The following FRMD6 variants were observed in gnomAD, a reference collection of about 807,000 sequenced individuals.
FRMD6 encodes FERM domain containing 6, also known as FERM domain-containing protein 6.
A neutral mutation model predicts 73.2 loss-of-function variants in FRMD6; 37 were observed. The observed-to-expected ratio is 0.51, with a 90% CI of 0.39 to 0.66. The LOEUF (loss-of-function observed/expected upper bound fraction) is 0.66. Ranked by LOEUF, FRMD6 falls within the 30% of genes least tolerant of loss-of-function variation. The pLI is 0.00. For missense variants in FRMD6, 714 were observed against 780.5 expected (o/e 0.91, Z 1.02); for synonymous variants, 273 against 282.2 (o/e 0.97, Z 0.33).
At chr14:51,413,323 C>T in the FRMD6 span, among the ~76,000 whole-genome samples, 16 of 152,284 alleles carry the variant, frequency 1.1e-4, no homozygotes, top group South Asian at 4.1e-4. Flanking sequence ...CCCAAACCCA[C>T]GGCAGGCCCA....
chr14:51,440,276 T>G, the FRMD6 span, among the ~76,000 whole-genome samples: 2 of 152,166 alleles, frequency 1.3e-5, no homozygotes, highest in African/African-American at 4.8e-5. Flanking sequence ...ACAGAGAAAT[T>G]TATAATTCAT....
chr14:51,464,756 G>A, the FRMD6 span, among the ~76,000 whole-genome samples: 1 of 152,170 alleles, frequency 6.6e-6, no homozygotes, highest in Non-Finnish European at 1.5e-5. Flanking sequence ...TCTGTAAACA[G>A]GAAGGAAGAG....
At chr14:51,654,700 T>C (rs1892699921) in intron 1 of FRMD6, among the ~76,000 whole-genome samples, 1 of 152,166 alleles carries the variant, frequency 6.6e-6, no homozygotes, top group Non-Finnish European at 1.5e-5. Flanking sequence ...TAGATTTGGA[T>C]GATCTCAACA....
chr14:51,503,161 C>T lies in FRMD6; in HGVS notation c.-210+13741C>T, dbSNP rs1297148581. On this transcript the variant is annotated intron_variant, in intron 1 of 14. Transcript: ENST00000356218. The stretch of plus-strand genomic sequence containing the variant: ...CTGCAAACAAAGATAATTTGGCTTC[C>T]TCTCTTCCTATTTGAATACTCTTTG... 3.3e-5 allele frequency among the ~76,000 whole-genome samples: 5 copies of T among 152,196 alleles called. No individual in the cohort carries two copies. The East Asian group carries it at 9.6e-4, about 29-fold the overall frequency.
chr14:51,706,316 A>C (rs952250356), intron 6 of FRMD6, among the ~76,000 whole-genome samples: 14 of 152,018 alleles, frequency 9.2e-5, no homozygotes, highest in Non-Finnish European at 1.3e-4. Flanking sequence ...TCTCAGCAGC[A>C]CTGTTGCAGA....
At chr14:51,412,275 T>C in the FRMD6 span, among the ~76,000 whole-genome samples, 189 of 152,338 alleles carry the variant, frequency 1.2e-3, no homozygotes, top group African/African-American at 4.1e-3. Flanking sequence ...TGTCTCTTGG[T>C]GAAAGTATAG....
upstream of FRMD6, among the ~76,000 whole-genome samples, chr14:51,487,603 G>A (rs1399863915): frequency 6.6e-6 from 1 of 152,170 alleles, no homozygotes; most frequent in East Asian, 1.9e-4. Context: ...AAGGTCAAAT[G>A]GTGGGGAGTT....
intron 4 of FRMD6, among the ~76,000 whole-genome samples, chr14:51,702,154 A>G (rs951084535): frequency 6.6e-6 from 1 of 152,062 alleles, no homozygotes; most frequent in African/African-American, 2.4e-5. Context: ...GAACATTTGT[A>G]ATAAGGAGCA....
chr14:51,487,160 A>G (rs765025276), upstream of FRMD6, among the ~76,000 whole-genome samples: 1 of 152,158 alleles, frequency 6.6e-6, no homozygotes, highest in Non-Finnish European at 1.5e-5. Flanking sequence ...ACAGTGTCCC[A>G]GTATTGTTTG....
At chr14:51,438,013 A>G in the FRMD6 span, among the ~76,000 whole-genome samples, 3 of 152,132 alleles carry the variant, frequency 2.0e-5, no homozygotes, top group African/African-American at 7.2e-5. Flanking sequence ...GTGAATATGC[A>G]CAGTTAGCAT....
chr14:51,456,948 C>T, the FRMD6 span, among the ~76,000 whole-genome samples: 4 of 152,144 alleles, frequency 2.6e-5, no homozygotes, highest in African/African-American at 9.6e-5. Flanking sequence ...AAAAGTTGAT[C>T]TCATACAAGT....
intron 1 of FRMD6, among the ~76,000 whole-genome samples, chr14:51,535,473 A>C (rs1256455964): frequency 6.6e-6 from 1 of 152,194 alleles, no homozygotes; most frequent in African/African-American, 2.4e-5. Context: ...TGGACATGGA[A>C]TATGTATAGT....
intron 1 of FRMD6, among the ~76,000 whole-genome samples, chr14:51,512,024 A>G (rs1251301437): frequency 1.3e-5 from 2 of 152,200 alleles, no homozygotes; most frequent in Non-Finnish European, 2.9e-5. Context: ...GTATGTATGC[A>G]TAGGAATCAT....
intron 1 of FRMD6, among the ~76,000 whole-genome samples, chr14:51,661,353 G>A (rs373965320): frequency 8.5e-5 from 13 of 152,166 alleles, no homozygotes; most frequent in African/African-American, 2.9e-4. Flanking sequence ...AATTATGCAC[G>A]TTTTTCCAAC....
chr14:51,550,589 C>CA (rs1008653978), intron 1 of FRMD6, among the ~76,000 whole-genome samples: 2 of 149,850 alleles, frequency 1.3e-5, no homozygotes, highest in Non-Finnish European at 3.0e-5. Context: ...GACCCCCCCG[C>CA]CATGCTTATA....
chr14:51,401,401 T>G, the FRMD6 span, among the ~76,000 whole-genome samples: 1 of 152,230 alleles, frequency 6.6e-6, no homozygotes, highest in East Asian at 1.9e-4. Flanking sequence ...TGTGTACAGT[T>G]CTGCTTTGGG....
At chr14:51,499,409 T>C (rs1337891096) in intron 1 of FRMD6, among the ~76,000 whole-genome samples, 2 of 152,248 alleles carry the variant, frequency 1.3e-5, no homozygotes, top group Non-Finnish European at 2.9e-5. Context: ...TAAAGGAAAT[T>C]GGCTAACACT....
In FRMD6 at chr14:51,684,146, T is replaced by C. The variant is rs115153576; in HGVS notation, c.-146-5545T>C. On this transcript the variant is annotated intron_variant, in intron 1 of 13. Coordinates refer to ENST00000344768, the MANE Select transcript of FRMD6 (RefSeq NM_001267046.2). ...CTAAATGTTTTGTTTTGTTTTTAAA[T>C]AAATAAATGACCCTTAAAAAAAAAA... is the stretch of plus-strand genomic sequence containing the variant. 2.9e-3 allele frequency among the ~76,000 whole-genome samples: 401 copies of C among 140,264 alleles called. 1 individual carries two copies. Among genetic ancestry groups the C allele is most frequent in the African/African-American group, 0.01 (374 of 37,040 alleles). The allele number at this position is 140,264 out of a possible 152,430, so 92.0% of individuals were successfully genotyped here.
chr14:51,431,428 G>A, the FRMD6 span, among the ~76,000 whole-genome samples: 1 of 152,130 alleles, frequency 6.6e-6, no homozygotes. Context: ...GTCACCCACA[G>A]TACTACCCGG....
Sources: gnomAD v4.1 joint callset for allele counts (sites outside exome capture counted in the v4.1 genomes callset) on GRCh38, gnomAD v4.1.1 for gene constraint, MANE v1.5 for transcripts, NCBI Gene and HGNC (gene_info 2026-07-23, HGNC 2026-07-21) for gene names.